Variants in ACCSL observed in about 807,000 individuals in gnomAD.
The protein encoded by ACCSL is 1-aminocyclopropane-1-carboxylate synthase homolog (inactive) like.
A neutral mutation model predicts 61.7 loss-of-function variants in ACCSL; 55 were observed. The observed-to-expected ratio is 0.89, with a 90% confidence interval of 0.72 to 1.12. The LOEUF is 1.12. Ranked by LOEUF, ACCSL falls within the 50% of genes most tolerant of loss-of-function variation. The probability of loss-of-function intolerance (pLI) is 0.00; values close to 1 mark genes in which losing one functional copy is unlikely to be tolerated. For synonymous variants in ACCSL, 258 were observed against 264.3 expected (o/e 0.98, Z 0.23); for missense variants, 632 against 698.0 (o/e 0.91, Z 1.07).
chr11:44,014,288 G>A, the ACCSL span, among the ~76,000 whole-genome samples: 265 of 152,286 alleles, frequency 1.7e-3, 3 homozygotes, highest in East Asian at 0.028. Context: ...GTCCAGCTGC[G>A]GGCAGGGGCT....
At chr11:43,983,839 G>T in the ACCSL span, among the ~76,000 whole-genome samples, 2 of 152,092 alleles carry the variant, frequency 1.3e-5, no homozygotes, top group Non-Finnish European at 2.9e-5. Flanking sequence ...TGTCAGGCCG[G>T]GCGCTGTGGC....
chr11:43,965,664 G>A, the ACCSL span, among the ~76,000 whole-genome samples: 90 of 152,162 alleles, frequency 5.9e-4, 1 homozygote, highest in African/African-American at 1.8e-3. Flanking sequence ...AAACAATCTC[G>A]AAAAATAATA....
chr11:44,047,650 T>C (rs1055613840), upstream of ACCSL, among the ~76,000 whole-genome samples: 1 of 152,206 alleles, frequency 6.6e-6, no homozygotes, highest in African/African-American at 2.4e-5. Context: ...TGGTGATTGT[T>C]TTTGAGCAGT....
At chr11:43,933,563 T>C in the ACCSL span, among the ~76,000 whole-genome samples, 3 of 152,184 alleles carry the variant, frequency 2.0e-5, no homozygotes, top group South Asian at 4.1e-4. Flanking sequence ...GGGATTTTCT[T>C]CTCAGCCATG....
At chr11:43,942,295 C>A in the ACCSL span, 1 of 167,008 alleles carries the variant, frequency 6.0e-6, no homozygotes, top group Non-Finnish European at 1.3e-5. Context: ...TGCGGCCCCG[C>A]GGCCAACCCG....
intron 4 of ACCSL, 29 bp from the exon 5 acceptor site, chr11:44,051,624 G>A: frequency 6.2e-7 from 1 of 1,613,952 alleles, no homozygotes; most frequent in African/African-American, 1.3e-5. Flanking sequence ...TATTGGTTTT[G>A]ACTTCTGCCT....
chr11:43,956,580 C>A, the ACCSL span, among the ~76,000 whole-genome samples: 1 of 152,124 alleles, frequency 6.6e-6, no homozygotes, highest in African/African-American at 2.4e-5. Context: ...CCACCACACC[C>A]GGCTAATTTT....
the ACCSL span, among the ~76,000 whole-genome samples, chr11:43,923,838 T>TA: frequency 6.6e-6 from 1 of 152,346 alleles, no homozygotes; most frequent in African/African-American, 2.4e-5. Flanking sequence ...TAGCCAGCAC[T>TA]ACCAAGAAGG....
chr11:44,002,874 G>A, the ACCSL span, among the ~76,000 whole-genome samples: 5 of 152,134 alleles, frequency 3.3e-5, no homozygotes, highest in Non-Finnish European at 7.3e-5. Context: ...CTCTGTTGAC[G>A]GGAATGGCTG....
the ACCSL span, among the ~76,000 whole-genome samples, chr11:44,032,967 G>C: frequency 9.6e-4 from 146 of 152,344 alleles, no homozygotes; most frequent in Middle Eastern, 0.02. Context: ...GCGACAGTGG[G>C]AGGAGTCGGC....
the ACCSL span, among the ~76,000 whole-genome samples, chr11:43,930,476 G>A: frequency 1.3e-5 from 2 of 152,186 alleles, no homozygotes; most frequent in African/African-American, 4.8e-5. Flanking sequence ...ATGGTAATGA[G>A]TGAGTTCTTG....
chr11:44,013,114 T>C, the ACCSL span, among the ~76,000 whole-genome samples: 5 of 152,154 alleles, frequency 3.3e-5, no homozygotes, highest in African/African-American at 1.2e-4. Context: ...GAGAATGAGG[T>C]AGGTCTATAT....
the ACCSL span, among the ~76,000 whole-genome samples, chr11:44,022,693 G>T: frequency 6.6e-6 from 1 of 152,102 alleles, no homozygotes; most frequent in Non-Finnish European, 1.5e-5. Flanking sequence ...AATCCCACTT[G>T]GTTGTGGTGT....
At chr11:43,991,361 A>C in the ACCSL span, among the ~76,000 whole-genome samples, 1 of 152,264 alleles carries the variant, frequency 6.6e-6, no homozygotes, top group Non-Finnish European at 1.5e-5. Context: ...ACAGCTGCAC[A>C]CACAAAGTGT....
At chr11:43,979,755 G>A in the ACCSL span, among the ~76,000 whole-genome samples, 1 of 151,048 alleles carries the variant, frequency 6.6e-6, no homozygotes, top group East Asian at 1.9e-4. Flanking sequence ...GCTGAGGCAG[G>A]AGAATCGCTT....
At chr11:43,987,140 G>C in the ACCSL span, among the ~76,000 whole-genome samples, 1 of 152,126 alleles carries the variant, frequency 6.6e-6, no homozygotes, top group Admixed American at 6.5e-5. Context: ...CCCTGTCACT[G>C]TTGTAGGGAC....
upstream of ACCSL, among the ~76,000 whole-genome samples, chr11:44,047,019 CA>C (rs201589842): frequency 1.3e-5 from 2 of 148,984 alleles, no homozygotes; most frequent in Non-Finnish European, 1.5e-5. Flanking sequence ...CCAGTCCCTC[CA>C]AAAAAAAACA....
chr11:44,017,032 G>A, the ACCSL span, among the ~76,000 whole-genome samples: 1 of 152,150 alleles, frequency 6.6e-6, no homozygotes, highest in African/African-American at 2.4e-5. Flanking sequence ...AGGTGAGGTG[G>A]GAGAAACAAG....
At chr11:43,940,713 C>T in the ACCSL span, among the ~76,000 whole-genome samples, 1 of 149,772 alleles carries the variant, frequency 6.7e-6, no homozygotes, top group Non-Finnish European at 1.5e-5. Flanking sequence ...GTCCCCCCTT[C>T]CCATCCCCCT....
Sources: gnomAD v4.1 joint callset for allele counts (sites outside exome capture counted in the v4.1 genomes callset) on GRCh38, gnomAD v4.1.1 for gene constraint, MANE v1.5 for transcripts, NCBI Gene and HGNC (gene_info 2026-07-23, HGNC 2026-07-21) for gene names.